Variants in DLGAP2 observed in about 807,000 individuals in gnomAD.
The protein encoded by DLGAP2 is disks large-associated protein 2.
In DLGAP2, 26 loss-of-function variants were observed where a neutral mutation model predicts 100.3. That is an observed-to-expected ratio of 0.26 (90% CI 0.19 to 0.36). The LOEUF (loss-of-function observed/expected upper bound fraction) is 0.36. DLGAP2 is among the 10% of genes least tolerant of loss of function. The probability of loss-of-function intolerance (pLI) is 1.00; values close to 1 mark genes in which losing one functional copy is unlikely to be tolerated. For synonymous variants in DLGAP2, 886 were observed against 630.1 expected, an observed-to-expected ratio of 1.41 and a Z score of -6.08; for missense variants, 1,858 against 1,453.2, an observed-to-expected ratio of 1.28 and a Z score of -4.53.
intron 2 of DLGAP2, among the ~76,000 whole-genome samples, chr8:1,235,457 C>T (rs181820608): frequency 1.2e-4 from 18 of 151,908 alleles, no homozygotes; most frequent in African/African-American, 2.9e-4. Flanking sequence ...GTCTAGTTCC[C>T]TCTCACATGT....
At position 1,175,206 on chromosome 8, in the gene DLGAP2, C is replaced by T. The variant is rs549796832; in HGVS notation, c.74-83645C>T. 3.3e-4 allele frequency among the ~76,000 whole-genome samples: 50 copies of T among 152,064 alleles called. No homozygotes were observed. The South Asian group carries it at 3.7e-3, about 11-fold the overall frequency. ...GGCCATAAAATTACTAACTAGTAAC[C>T]CGCAGTGAGCACAGAAATGTCTTCA... On this transcript the variant is annotated intron_variant, in intron 2 of 14. Coordinates refer to ENST00000637795, the MANE Select transcript of DLGAP2 (RefSeq NM_001346810.2).
At chr8:1,575,625 C>A (rs1278790662) in intron 6 of DLGAP2, among the ~76,000 whole-genome samples, 1 of 99,658 alleles carries the variant, frequency 1.0e-5, no homozygotes, top group African/African-American at 3.9e-5. Context: ...CCCCTCCCCC[C>A]ACCCCATAAC....
At chr8:1,153,381 C>T (rs1049405081) in intron 2 of DLGAP2, among the ~76,000 whole-genome samples, 1 of 152,192 alleles carries the variant, frequency 6.6e-6, no homozygotes, top group African/African-American at 2.4e-5. Flanking sequence ...AAACACGCCT[C>T]TTTCTAGTCA....
intron 6 of DLGAP2, among the ~76,000 whole-genome samples, chr8:1,571,993 AG>A (rs1251051638): frequency 8.6e-6 from 1 of 116,498 alleles, no homozygotes. Flanking sequence ...GAGAGGAGAG[AG>A]GGTGAACTGT....
chr8:1,466,376 C>A (rs545992114), intron 3 of DLGAP2, among the ~76,000 whole-genome samples: 1 of 152,246 alleles, frequency 6.6e-6, no homozygotes, highest in East Asian at 1.9e-4. Context: ...ACATTTCCCC[C>A]CTCCCTTTTC....
intron 6 of DLGAP2, among the ~76,000 whole-genome samples, chr8:1,586,502 G>A (rs1304157011): frequency 2.0e-5 from 3 of 152,180 alleles, no homozygotes; most frequent in Non-Finnish European, 2.9e-5. Context: ...CGCTGAGAGG[G>A]GGCCTGCCTG....
intron 1 of DLGAP2, among the ~76,000 whole-genome samples, chr8:745,100 G>C (rs1443146194): frequency 1.3e-5 from 2 of 152,202 alleles, no homozygotes; most frequent in African/African-American, 4.8e-5. Context: ...TTCTCCCGCT[G>C]CTTCCGAGTT....
chr8:1,208,236 T>C (rs1476683503), intron 2 of DLGAP2, among the ~76,000 whole-genome samples: 1 of 152,202 alleles, frequency 6.6e-6, no homozygotes, highest in East Asian at 1.9e-4. Flanking sequence ...GGTTGATTCT[T>C]GTATAAGGTG....
chr8:1,286,114 A>T (rs1799916130), intron 3 of DLGAP2, among the ~76,000 whole-genome samples: 1 of 152,184 alleles, frequency 6.6e-6, no homozygotes, highest in South Asian at 2.1e-4. Context: ...GAGATCATTG[A>T]ATCATGGGGT....
At position 1,298,223 on chromosome 8, in the gene DLGAP2, G is replaced by T. The variant is rs149955879; in HGVS notation, c.106+39340G>T. 1.9e-3 allele frequency among the ~76,000 whole-genome samples: 289 copies of T among 152,286 alleles called. 4 individuals are homozygous for T. The highest frequency in any genetic ancestry group is 6.8e-3 in the Middle Eastern group (2 of 294). On this transcript the variant is annotated intron_variant, in intron 3 of 14. Coordinates refer to ENST00000637795, the MANE Select transcript of DLGAP2 (RefSeq NM_001346810.2). ...ACCACGCGAGATAGGGAGGATTCAG[G>T]ATGTGATCTTATTTCAGCATCTTTA... is the stretch of plus-strand genomic sequence containing the variant.
intron 2 of DLGAP2, among the ~76,000 whole-genome samples, chr8:972,767 CCTTCCGCGGT>C (rs1374180759): frequency 1.4e-4 from 21 of 152,254 alleles, no homozygotes; most frequent in Non-Finnish European, 2.5e-4. Context: ...GACCCTGCGG[CCTTCCGCGGT>C]GTTTGTGTCC....
chr8:1,548,468 A>AC (rs1801623527), intron 4 of DLGAP2, among the ~76,000 whole-genome samples, 158 bp from the exon 5 acceptor site: 1 of 149,258 alleles, frequency 6.7e-6, no homozygotes, highest in Non-Finnish European at 1.5e-5. Context: ...GAAAAAAAAA[A>AC]AAAAAAAAAA....
At chr8:1,564,583 A>G (rs1379430852) in intron 5 of DLGAP2, among the ~76,000 whole-genome samples, 1 of 152,220 alleles carries the variant, frequency 6.6e-6, no homozygotes, top group African/African-American at 2.4e-5. Flanking sequence ...TGCCTGGCAG[A>G]TATATAACAG....
chr8:1,563,149 G>C (rs1327862883), intron 5 of DLGAP2, among the ~76,000 whole-genome samples: 4 of 57,494 alleles, frequency 7.0e-5, no homozygotes, highest in East Asian at 5.7e-4. Context: ...GTGTGGTGTT[G>C]GGGTGTCCGC....
At chr8:863,898 C>A (rs139532555) in intron 1 of DLGAP2, among the ~76,000 whole-genome samples, 1 of 152,142 alleles carries the variant, frequency 6.6e-6, no homozygotes, top group African/African-American at 2.4e-5. Context: ...GGAAGAGAAT[C>A]GGCCCCCAGG....
At chr8:1,540,298 T>C (rs756962517) in intron 4 of DLGAP2, among the ~76,000 whole-genome samples, 1 of 152,222 alleles carries the variant, frequency 6.6e-6, no homozygotes, top group Non-Finnish European at 1.5e-5. Flanking sequence ...CCTGTTTATC[T>C]GTTTATTGCC....
intron 6 of DLGAP2, among the ~76,000 whole-genome samples, chr8:1,580,398 G>T (rs1803184473): frequency 6.6e-6 from 1 of 152,196 alleles, no homozygotes; most frequent in Non-Finnish European, 1.5e-5. Context: ...TGACCTTGAA[G>T]ATAGGTTCAT....
chr8:1,469,177 C>A (rs1292958118), intron 3 of DLGAP2, among the ~76,000 whole-genome samples: 1 of 152,230 alleles, frequency 6.6e-6, no homozygotes, highest in Non-Finnish European at 1.5e-5. Context: ...AAAGCTGTGG[C>A]AGATCCTCCA....
intron 10 of DLGAP2, among the ~76,000 whole-genome samples, chr8:1,670,507 AG>A (rs1798663821): frequency 6.6e-6 from 1 of 152,158 alleles, no homozygotes; most frequent in Admixed American, 6.5e-5. Flanking sequence ...GTCCTGTGAG[AG>A]GGAACTGCAC....
Sources: allele counts gnomAD v4.1 joint callset (sites outside exome capture counted in the v4.1 genomes callset), GRCh38; gene constraint gnomAD v4.1.1; transcripts MANE v1.5; gene names NCBI Gene and HGNC (gene_info 2026-07-23, HGNC 2026-07-21).